Variants in PDE6C observed in about 807,000 individuals in gnomAD.
The protein encoded by PDE6C is phosphodiesterase 6C.
In PDE6C, 75 loss-of-function variants were observed where a neutral mutation model predicts 113.1. That is an observed-to-expected ratio of 0.66 (90% CI 0.55 to 0.80). The LOEUF is 0.80. Ranked by LOEUF, PDE6C falls within the 30% of genes least tolerant of loss-of-function variation. PDE6C has a pLI of 0.00. For synonymous variants in PDE6C, 375 were observed against 363.7 expected (o/e 1.03, Z -0.35); for missense variants, 912 against 1,038.6 (o/e 0.88, Z 1.67).
At chr10:93,633,208 G>T (rs1212266160) in intron 8 of PDE6C, among the ~76,000 whole-genome samples, 8 of 152,162 alleles carry the variant, frequency 5.3e-5, no homozygotes, top group Admixed American at 5.2e-4. Flanking sequence ...ACTCACGCCT[G>T]TAATCCCAGC....
chr10:93,643,929 T>G (rs1188019432), intron 14 of PDE6C, among the ~76,000 whole-genome samples: 1 of 152,172 alleles, frequency 6.6e-6, no homozygotes, highest in Non-Finnish European at 1.5e-5. Flanking sequence ...TCCTTCTAAT[T>G]CAAGATCTAA....
chr10:93,616,640 A>G (rs1051448556), intron 1 of PDE6C, among the ~76,000 whole-genome samples: 1 of 150,170 alleles, frequency 6.7e-6, no homozygotes, highest in Non-Finnish European at 1.5e-5. Flanking sequence ...AAACAAGTTG[A>G]AGGCAGGAAG....
In PDE6C at chr10:93,635,563, G is replaced by C; in HGVS notation, c.1336G>C (p.Glu446Gln). The C allele has an allele frequency of 6.2e-7, 1 of 1,613,462 alleles. No homozygotes were observed. Among genetic ancestry groups the C allele is most frequent in the East Asian group, 2.2e-5 (1 of 44,870 alleles). Reference sequence around the variant, plus strand: ...CACCTACGATAAGATGAATAAGCTAGAAAACAGAAAGGACATTGCTCAGGA... The same window carrying C: ...CACCTACGATAAGATGAATAAGCTACAAAACAGAAAGGACATTGCTCAGGA... ...TDTYDKMNKLENRKDIAQEML... is the reference protein window; with the variant it reads ...TDTYDKMNKLQNRKDIAQEML... The change falls in exon 10 of 22, where the codon GAA (glutamate) becomes CAA (glutamine). Residue 446 changes from glutamate (E) to glutamine (Q), a missense_variant. Coordinates refer to ENST00000371447, the MANE Select transcript of PDE6C (RefSeq NM_006204.4).
In PDE6C at chr10:93,632,437, A is replaced by G. The variant is rs562820609; in HGVS notation, c.1120-2321A>G. Among the ~76,000 whole-genome samples the G allele has an allele frequency of 2.0e-5, 3 of 152,330 alleles. No individual in the cohort carries two copies. In the East Asian group the frequency reaches 5.8e-4, roughly 29 times the overall value. On this transcript the variant is annotated intron_variant, in intron 8 of 21. Transcript: ENST00000371447. ...AAAGTGGTCCTAATTCACAGGAGGA[A>G]AAGTGTATAGAATTTCCTCAGTTTT... is the stretch of plus-strand genomic sequence containing the variant.
In PDE6C at chr10:93,612,764, G is replaced by T; in HGVS notation, c.39G>T (p.Leu13=). The change falls in exon 1 of 22, where the codon CTG becomes CTT. Residue 13 remains leucine, a synonymous_variant. Transcript: ENST00000371447. ...ACCAAGTTGCCGTGGAGAAATACCT[G>T]GAGGAGAACCCTCAGTTTGCCAAGG... ...EINQVAVEKY[L]EENPQFAKEY... 1.2e-6 allele frequency: 2 copies of T among 1,614,136 alleles called. No individual in the cohort carries two copies. Among genetic ancestry groups the T allele is most frequent in the Non-Finnish European group, 1.7e-6 (2 of 1,180,042 alleles).
rs767843293 is a variant in PDE6C at position 93,635,644 on chromosome 10, A to G, written c.1413+4A>G. The G allele has an allele frequency of 1.2e-6, 2 of 1,613,780 alleles. No individual in the cohort carries two copies. Among genetic ancestry groups the G allele is most frequent in the South Asian group, 2.2e-5 (2 of 91,080 alleles). On this transcript the variant is annotated splice_donor_region_variant and intron_variant, in intron 10 of 21. Transcript: ENST00000371447. ...TGAAGAAATTAAGTCCATTTTGGTA[A>G]GTGGGAAATTCAGTCCTGTGGACAT...
At chr10:93,635,703 T>C in intron 10 of PDE6C, 63 bp downstream of exon 10, 1 of 1,531,142 alleles carries the variant, frequency 6.5e-7, no homozygotes, top group Non-Finnish European at 9.0e-7. Flanking sequence ...CTAGAAGTCA[T>C]CTAATTACCC....
intron 18 of PDE6C, among the ~76,000 whole-genome samples, chr10:93,659,546 G>A (rs1466141841): frequency 3.9e-5 from 6 of 152,144 alleles, no homozygotes; most frequent in East Asian, 3.8e-4. Flanking sequence ...TGGCTGGGGA[G>A]GCCTCACAAT....
Position 93,640,188 on chromosome 10 carries a change from T to C in PDE6C, c.1601T>C (p.Val534Ala). Residue 534 changes from valine to alanine, a missense_variant, in exon 12 of 22, where the codon GTG becomes GCG. Physicochemically the swap from Val to Ala is moderately conservative, Grantham distance 64. Transcript: ENST00000371447. Reference sequence around the variant, plus strand: ...ATACGACTGTTTTTTGAAATAAATGTGGTGGAGAAATTCAAAGTACCTGTA... The same window carrying C: ...ATACGACTGTTTTTTGAAATAAATGCGGTGGAGAAATTCAAAGTACCTGTA... ...CGIRLFFEIN[V>A]VEKFKVPVEV... 6.2e-7 allele frequency: 1 copy of C among 1,613,390 alleles called. No individual in the cohort carries two copies. Among genetic ancestry groups the C allele is most frequent in the South Asian group, 1.1e-5 (1 of 91,042 alleles).
chr10:93,658,045 C>T (rs1047821030), intron 16 of PDE6C, among the ~76,000 whole-genome samples: 8 of 151,322 alleles, frequency 5.3e-5, no homozygotes, highest in African/African-American at 1.9e-4. Flanking sequence ...TGGAGCATGC[C>T]TGTAGTCCCA....
intron 4 of PDE6C, 61 bp from the exon 5 acceptor site, chr10:93,625,514 A>G: frequency 9.2e-7 from 1 of 1,091,762 alleles, no homozygotes; most frequent in East Asian, 2.4e-5. Context: ...TAAAATTCAT[A>G]TAAGATATGG....
rs917455690 is a variant in PDE6C at position 93,662,129 on chromosome 10, C to T, written c.2279C>T (p.Pro760Leu). 1 of 1,593,332 alleles carries T rather than the reference C, an allele frequency of 6.3e-7. No homozygotes were observed. Among genetic ancestry groups the T allele is most frequent in the South Asian group, 1.1e-5 (1 of 90,644 alleles). The change falls in exon 19 of 22, where the codon CCC (proline) becomes CTC (leucine). Residue 760 changes from proline to leucine, a missense_variant. Pro to Leu is a moderately conservative substitution (Grantham distance 98). Transcript: ENST00000371447. ...DLERTVLQQQ[P>L]IPMMDRNKRD... ...GAGAGAACAGTGTTGCAGCAACAAC[C>T]CATTGTAAGACCTTGACATAAAAAT...
At chr10:93,662,459 TCAAA>T in intron 19 of PDE6C, 97 bp from the exon 20 acceptor site, 1 of 424,954 alleles carries the variant, frequency 2.4e-6, no homozygotes, top group Non-Finnish European at 4.2e-6. Context: ...AGACTCTGCC[TCAAA>T]AAAAAAAAAA....
chr10:93,633,570 T>C (rs2058513676), intron 8 of PDE6C, among the ~76,000 whole-genome samples: 1 of 151,918 alleles, frequency 6.6e-6, no homozygotes, highest in Admixed American at 6.6e-5. Flanking sequence ...TGTGCCTGCA[T>C]CCCTCGACTA....
At chr10:93,656,102 T>C (rs2133875493) in intron 16 of PDE6C, among the ~76,000 whole-genome samples, 1 of 152,202 alleles carries the variant, frequency 6.6e-6, no homozygotes, top group East Asian at 1.9e-4. Context: ...AAACATAAGC[T>C]CCTAATATTA....
chr10:93,625,659 A>G lies in PDE6C; in HGVS notation c.939+10A>G. On this transcript the variant is annotated intron_variant, in intron 5 of 21. Coordinates refer to ENST00000371447, the MANE Select transcript of PDE6C (RefSeq NM_006204.4). ...GACACCTGATGGCAGGGTACGTGCAAATGTCTTCCTTGATGCCATCTGTGC... is the reference window on the plus strand; with the variant it reads ...GACACCTGATGGCAGGGTACGTGCAGATGTCTTCCTTGATGCCATCTGTGC... 6.3e-7 allele frequency: 1 copy of G among 1,594,556 alleles called. No homozygotes were observed. The highest frequency in any genetic ancestry group is 8.6e-7 in the Non-Finnish European group (1 of 1,162,400).
rs1199305248 is a variant in PDE6C, at chr10:93,662,587, G to A, written c.2311G>A (p.Glu771Lys). The change falls in exon 20 of 22, where the codon GAA becomes AAA. Residue 771 changes from glutamate to lysine, a missense_variant. Coordinates refer to ENST00000371447, the MANE Select transcript of PDE6C (RefSeq NM_006204.4). ...IPMMDRNKRD[E>K]LPKLQVGFID... The stretch of plus-strand genomic sequence containing the variant: ...TATGATGGACAGAAACAAAAGAGAT[G>A]AATTACCTAAACTTCAAGTTGGATT... The A allele has an allele frequency of 6.6e-7, 1 of 1,503,934 alleles. No individual in the cohort carries two copies. Among genetic ancestry groups the A allele is most frequent in the South Asian group, 1.1e-5 (1 of 88,836 alleles). 93.2% of individuals were successfully genotyped at this position (1,503,934 alleles called of 1,614,324 possible). A position where few individuals can be genotyped will look rare whatever the true frequency, so the allele number is the denominator to read the frequency against.
At chr10:93,623,714 A>G (rs1200056311) in intron 4 of PDE6C, among the ~76,000 whole-genome samples, 1 of 152,320 alleles carries the variant, frequency 6.6e-6, no homozygotes, top group South Asian at 2.1e-4. Context: ...TGTTGAAAAG[A>G]CTATCCTTTG....
chr10:93,665,625 C>A lies in PDE6C; in HGVS notation c.*207C>A, dbSNP rs1429648195. The A allele has an allele frequency of 2.7e-5, 15 of 562,840 alleles. No individual in the cohort carries two copies. The highest frequency in any genetic ancestry group is 4.7e-5 in the Non-Finnish European group (15 of 316,758). 34.9% of individuals were successfully genotyped at this position (562,840 alleles called of 1,614,324 possible). A position where few individuals can be genotyped will look rare whatever the true frequency, so the allele number is the denominator to read the frequency against. ...GTGCAAAATATGACAAAAATAGGTACATTTTTGGTGCCAATTTATTTTAAA... is the reference window on the plus strand; with the variant it reads ...GTGCAAAATATGACAAAAATAGGTAAATTTTTGGTGCCAATTTATTTTAAA... On this transcript the variant is annotated 3_prime_UTR_variant, in exon 22 of 22. Transcript: ENST00000371447.
Sources: gnomAD v4.1 joint callset for allele counts (sites outside exome capture counted in the v4.1 genomes callset) on GRCh38, gnomAD v4.1.1 for gene constraint, MANE v1.5 for transcripts, NCBI Gene and HGNC (gene_info 2026-07-23, HGNC 2026-07-21) for gene names.